Variants in PPP1R1C observed in about 807,000 individuals in gnomAD.
PPP1R1C encodes the protein protein phosphatase 1 regulatory subunit 1C.
A neutral mutation model predicts 17.4 loss-of-function variants in PPP1R1C; 15 were observed. That is an observed-to-expected ratio of 0.86 (90% CI 0.58 to 1.33). The LOEUF (loss-of-function observed/expected upper bound fraction) is 1.33. Ranked by LOEUF, PPP1R1C falls within the 40% of genes most tolerant of loss-of-function variation. The probability of loss-of-function intolerance (pLI) is 0.00; values close to 1 mark genes in which losing one functional copy is unlikely to be tolerated. For synonymous variants in PPP1R1C, 35 were observed against 43.1 expected, an observed-to-expected ratio of 0.81 and a Z score of 0.73; for missense variants, 143 against 130.0, an observed-to-expected ratio of 1.10 and a Z score of -0.48.
intron 4 of PPP1R1C, among the ~76,000 whole-genome samples, chr2:182,113,787 C>T (rs1217055233): frequency 6.6e-6 from 1 of 151,982 alleles, no homozygotes. Flanking sequence ...CCATTCATGT[C>T]ATCTTTTCTT....
At chr2:182,042,851 T>C (rs536556961) in intron 2 of PPP1R1C, among the ~76,000 whole-genome samples, 5 of 152,178 alleles carry the variant, frequency 3.3e-5, no homozygotes, top group Non-Finnish European at 7.3e-5. Context: ...GCTGGAGGTA[T>C]TAGCTTTAAG....
At chr2:182,101,209 G>C (rs1328230165) in intron 4 of PPP1R1C, among the ~76,000 whole-genome samples, 1 of 152,188 alleles carries the variant, frequency 6.6e-6, no homozygotes, top group Non-Finnish European at 1.5e-5. Flanking sequence ...TTCCCGAGCA[G>C]GCAGCCTCCA....
chr2:182,107,863 G>T (rs1476341185), intron 4 of PPP1R1C, among the ~76,000 whole-genome samples: 1 of 151,858 alleles, frequency 6.6e-6, no homozygotes, highest in Admixed American at 6.6e-5. Context: ...TACCACATCT[G>T]TTCCTTTTCA....
Position 181,971,562 on chromosome 2 carries a change from C to T in PPP1R1C, n.112-3657C>T, listed in dbSNP as rs555622990. Among the ~76,000 whole-genome samples the T allele has an allele frequency of 4.6e-4, 70 of 152,274 alleles. 1 individual carries two copies. The highest frequency in any genetic ancestry group is 1.7e-3 in the African/African-American group (69 of 41,562). On this transcript the variant is annotated intron_variant and non_coding_transcript_variant, in intron 1 of 5. Coordinates refer to the PPP1R1C transcript ENST00000464264. ...GAGTTGGCACAAGCACTCCCTTGGC[C>T]ACCCCAGCTGGTGTCTCACTAGGTC... is the stretch of plus-strand genomic sequence containing the variant.
At chr2:181,983,594 G>A (rs1014771742), upstream of PPP1R1C, among the ~76,000 whole-genome samples, 2 of 152,074 alleles carry the variant, frequency 1.3e-5, no homozygotes, top group Admixed American at 1.3e-4. Flanking sequence ...TAAGAATTTA[G>A]CTTTAAAAGG....
At chr2:182,108,864 C>A (rs764803960) in intron 4 of PPP1R1C, among the ~76,000 whole-genome samples, 1 of 152,058 alleles carries the variant, frequency 6.6e-6, no homozygotes, top group African/African-American at 2.4e-5. Context: ...CATCAGTTTT[C>A]GATTCATTTG....
chr2:182,094,266 C>G (rs1688867244), intron 4 of PPP1R1C, among the ~76,000 whole-genome samples: 1 of 152,152 alleles, frequency 6.6e-6, no homozygotes, highest in Non-Finnish European at 1.5e-5. Flanking sequence ...ACAAGAACAG[C>G]ATGGGAAAGA....
chr2:181,968,608 T>C (rs949060827), intron 1 of PPP1R1C, among the ~76,000 whole-genome samples: 1 of 152,180 alleles, frequency 6.6e-6, no homozygotes, highest in Admixed American at 6.5e-5. Flanking sequence ...GTGTTTCCTG[T>C]AGGGAACAGA....
intron 2 of PPP1R1C, among the ~76,000 whole-genome samples, chr2:182,003,552 T>C (rs898477586): frequency 1.9e-4 from 29 of 152,116 alleles, no homozygotes; most frequent in African/African-American, 7.0e-4. Context: ...TGAAAAAATA[T>C]CACTAAGTAG....
chr2:182,056,119 A>G lies in PPP1R1C; in HGVS notation c.143-5323A>G, dbSNP rs186154141. Among the ~76,000 whole-genome samples, 191 of 152,330 alleles carry G rather than the reference A, an allele frequency of 1.3e-3. 1 individual carries two copies. The highest frequency in any genetic ancestry group is 9.8e-4 in the Non-Finnish European group (67 of 68,036). ...TACCTGGCTTGTGGTGGCTTGTTCTAAAATGACCACTTTCTCCCGTCTCGC... is the reference window on the plus strand; with the variant it reads ...TACCTGGCTTGTGGTGGCTTGTTCTGAAATGACCACTTTCTCCCGTCTCGC... On this transcript the variant is annotated intron_variant, in intron 2 of 4. Coordinates refer to ENST00000682840, the MANE Select transcript of PPP1R1C (RefSeq NM_001080545.3).
At chr2:181,992,968 G>GAA (rs1685510383) in intron 2 of PPP1R1C, among the ~76,000 whole-genome samples, 1 of 151,944 alleles carries the variant, frequency 6.6e-6, no homozygotes, top group Non-Finnish European at 1.5e-5. Flanking sequence ...TTCCAGAAAC[G>GAA]AAAAAGAAGC....
intron 4 of PPP1R1C, among the ~76,000 whole-genome samples, chr2:182,064,983 T>C (rs1687946885): frequency 6.6e-6 from 1 of 152,092 alleles, no homozygotes; most frequent in South Asian, 2.1e-4. Flanking sequence ...TCTCATGTCC[T>C]CAGAGAATAA....
intron 2 of PPP1R1C, among the ~76,000 whole-genome samples, chr2:182,007,867 C>T (rs1001054765): frequency 1.6e-4 from 24 of 152,164 alleles, no homozygotes; most frequent in African/African-American, 5.8e-4. Flanking sequence ...TCGAGACCAT[C>T]CTGGCTAACA....
At chr2:182,087,220 T>G (rs142615386) in intron 4 of PPP1R1C, among the ~76,000 whole-genome samples, 9 of 152,318 alleles carry the variant, frequency 5.9e-5, no homozygotes, top group Non-Finnish European at 1.3e-4. Flanking sequence ...AGTTTATTCT[T>G]AATACATCAG....
chr2:181,978,119 AG>A (rs111625229), intron 2 of PPP1R1C, among the ~76,000 whole-genome samples: 5 of 152,312 alleles, frequency 3.3e-5, no homozygotes, highest in African/African-American at 1.2e-4. Flanking sequence ...GTGCAGGGGA[AG>A]TCCCAGTTAT....
At chr2:182,095,203 G>A (rs748902768) in intron 4 of PPP1R1C, among the ~76,000 whole-genome samples, 10 of 152,126 alleles carry the variant, frequency 6.6e-5, no homozygotes, top group Admixed American at 3.3e-4. Flanking sequence ...GGAGGCTGAG[G>A]TGGGAGAATC....
chr2:181,971,098 A>C (rs1265323390), intron 1 of PPP1R1C, among the ~76,000 whole-genome samples: 1 of 152,160 alleles, frequency 6.6e-6, no homozygotes, highest in Admixed American at 6.5e-5. Flanking sequence ...GCCACAAGAC[A>C]AAGTCTCCTT....
Position 181,962,407 on chromosome 2 carries a change from G to T in PPP1R1C, n.111+7773G>T. The T allele has an allele frequency of 1.4e-6, 1 of 720,382 alleles. No individual in the cohort carries two copies. 44.6% of individuals were successfully genotyped at this position (720,382 alleles called of 1,614,324 possible). On this transcript the variant is annotated intron_variant and non_coding_transcript_variant, in intron 1 of 5. Transcript: ENST00000464264. The surrounding 1 kb of genome is among the most constrained non-coding windows in gnomAD (Gnocchi z 6.0). Reference sequence around the variant, plus strand: ...CCATGCAGCTGGCCGGCCGGGCGCCGTAGTTGGACACCTGGACAGAGCCCA... The same window carrying T: ...CCATGCAGCTGGCCGGCCGGGCGCCTTAGTTGGACACCTGGACAGAGCCCA...
chr2:182,006,140 C>A (rs1685917330), intron 2 of PPP1R1C, among the ~76,000 whole-genome samples: 1 of 151,864 alleles, frequency 6.6e-6, no homozygotes, highest in Admixed American at 6.6e-5. Context: ...GAAGGGTCCC[C>A]AAAGATCAGT....
Sources: gnomAD v4.1 joint callset for allele counts (sites outside exome capture counted in the v4.1 genomes callset) on GRCh38, gnomAD v4.1.1 for gene constraint, Gnocchi (gnomAD v3.1) non-coding constraint, MANE v1.5 for transcripts, NCBI Gene and HGNC (gene_info 2026-07-23, HGNC 2026-07-21) for gene names.